LINGO2: variants seen among roughly 807,000 people sequenced by gnomAD.
LINGO2 encodes leucine-rich repeat and immunoglobulin-like domain-containing nogo receptor-interacting protein 2.
In LINGO2, 14 loss-of-function variants were observed where a neutral mutation model predicts 30.6. The observed-to-expected ratio is 0.46, with a 90% CI of 0.30 to 0.72. The LOEUF (loss-of-function observed/expected upper bound fraction) is 0.72, where lower values mean the gene tolerates loss of function less well. LINGO2 is among the 30% of genes least tolerant of loss of function. The pLI is 0.07. For synonymous variants in LINGO2, 317 were observed against 288.5 expected, an observed-to-expected ratio of 1.10 and a Z score of -1.00; for missense variants, 729 against 751.7, an observed-to-expected ratio of 0.97 and a Z score of 0.35.
the LINGO2 span, among the ~76,000 whole-genome samples, chr9:28,704,823 C>CT: frequency 6.6e-6 from 1 of 151,998 alleles, no homozygotes; most frequent in Non-Finnish European, 1.5e-5. Context: ...TAATGTTGTT[C>CT]TTTAGGGCCC....
the LINGO2 span, among the ~76,000 whole-genome samples, chr9:28,794,801 G>T: frequency 2.0e-5 from 3 of 151,680 alleles, no homozygotes; most frequent in African/African-American, 7.3e-5. Context: ...AACAAATTCA[G>T]GAATTATAAA....
At chr9:28,328,725 G>A (rs770479352) in intron 3 of LINGO2, among the ~76,000 whole-genome samples, 1 of 152,104 alleles carries the variant, frequency 6.6e-6, no homozygotes, top group South Asian at 2.1e-4. Context: ...GTAATGCAAT[G>A]TACATAAAAA....
At chr9:28,140,845 G>T (rs929948055) in intron 4 of LINGO2, among the ~76,000 whole-genome samples, 1 of 151,820 alleles carries the variant, frequency 6.6e-6, no homozygotes, top group African/African-American at 2.4e-5. Context: ...ACAGGTCTTG[G>T]CACAAGATAC....
intron 1 of LINGO2, among the ~76,000 whole-genome samples, chr9:28,570,427 T>TA (rs1563832779): frequency 1.3e-5 from 2 of 152,020 alleles, no homozygotes; most frequent in African/African-American, 4.8e-5. Flanking sequence ...AAAGATGGAT[T>TA]AAAAAAATTA....
the LINGO2 span, among the ~76,000 whole-genome samples, chr9:28,783,386 T>C: frequency 1.3e-5 from 2 of 152,186 alleles, no homozygotes; most frequent in South Asian, 4.1e-4. Flanking sequence ...ATAGTTGTTA[T>C]ACTATATTTT....
At chr9:29,200,365 T>C in the LINGO2 span, among the ~76,000 whole-genome samples, 6 of 152,080 alleles carry the variant, frequency 3.9e-5, no homozygotes, top group Admixed American at 3.9e-4. Flanking sequence ...CAGATGAAAC[T>C]ACCATTAAAT....
At chr9:28,358,026 T>C (rs1820295141) in intron 3 of LINGO2, among the ~76,000 whole-genome samples, 1 of 152,112 alleles carries the variant, frequency 6.6e-6, no homozygotes, top group Non-Finnish European at 1.5e-5. Flanking sequence ...TAGACTAATT[T>C]CATAAAAAGG....
At chr9:28,146,643 G>A (rs10441713) in intron 4 of LINGO2, among the ~76,000 whole-genome samples, 6,652 of 152,000 alleles carry the variant, frequency 0.044, 472 homozygotes, top group African/African-American at 0.15. Flanking sequence ...GATGTAGAGT[G>A]CCCAAATGGT....
At chr9:28,282,032 C>T (rs1052676998) in intron 4 of LINGO2, among the ~76,000 whole-genome samples, 4 of 151,998 alleles carry the variant, frequency 2.6e-5, no homozygotes, top group African/African-American at 9.7e-5. Flanking sequence ...TTAAATTATG[C>T]CCCTGAATAA....
At chr9:28,204,813 T>C (rs1485058089) in intron 4 of LINGO2, among the ~76,000 whole-genome samples, 1 of 152,158 alleles carries the variant, frequency 6.6e-6, no homozygotes, top group Non-Finnish European at 1.5e-5. Flanking sequence ...GGGCACTTGG[T>C]TCCATGAACA....
At chr9:28,604,038 A>G (rs1434888348) in intron 1 of LINGO2, among the ~76,000 whole-genome samples, 1 of 151,672 alleles carries the variant, frequency 6.6e-6, no homozygotes, top group East Asian at 1.9e-4. Context: ...GCAGATTTTC[A>G]TTTCTGAATA....
At chr9:28,556,222 G>T (rs1041412279) in intron 1 of LINGO2, among the ~76,000 whole-genome samples, 1 of 152,024 alleles carries the variant, frequency 6.6e-6, no homozygotes, top group East Asian at 1.9e-4. Context: ...GTTTGCAGAC[G>T]ACATGATTGT....
At chr9:28,974,830 A>G in the LINGO2 span, among the ~76,000 whole-genome samples, 1 of 152,180 alleles carries the variant, frequency 6.6e-6, no homozygotes, top group Non-Finnish European at 1.5e-5. Context: ...CCTATTTTAA[A>G]GATGAGAAAA....
At chr9:28,506,165 C>T (rs1409134554) in intron 1 of LINGO2, among the ~76,000 whole-genome samples, 2 of 151,392 alleles carry the variant, frequency 1.3e-5, no homozygotes, top group Non-Finnish European at 3.0e-5. Context: ...TCTAATTTCA[C>T]ACTTCCACTC....
chr9:28,688,019 T>C, the LINGO2 span, among the ~76,000 whole-genome samples: 1 of 152,100 alleles, frequency 6.6e-6, no homozygotes, highest in Non-Finnish European at 1.5e-5. Context: ...TTCCAAAAAG[T>C]TTAGTTAACT....
chr9:28,477,593 C>T (rs1255671168), intron 1 of LINGO2, among the ~76,000 whole-genome samples: 1 of 152,106 alleles, frequency 6.6e-6, no homozygotes, highest in Non-Finnish European at 1.5e-5. Flanking sequence ...TCCTTGATAC[C>T]TTTCTTTTCC....
At chr9:28,635,649 T>C (rs1042821509) in intron 1 of LINGO2, among the ~76,000 whole-genome samples, 2 of 152,090 alleles carry the variant, frequency 1.3e-5, no homozygotes, top group Admixed American at 6.6e-5. Context: ...TAAATAAGGT[T>C]TAATTTGGGT....
At chr9:28,240,396 AC>A (rs1821739227) in intron 4 of LINGO2, among the ~76,000 whole-genome samples, 1 of 152,184 alleles carries the variant, frequency 6.6e-6, no homozygotes, top group African/African-American at 2.4e-5. Context: ...AGCTATAGTA[AC>A]CAAAACAGCA....
the LINGO2 span, among the ~76,000 whole-genome samples, chr9:29,045,728 T>C: frequency 6.6e-6 from 1 of 152,272 alleles, no homozygotes; most frequent in South Asian, 2.1e-4. Context: ...GTCAATTGCT[T>C]AGGGCAGTAA....
Sources: gnomAD v4.1 joint callset for allele counts (sites outside exome capture counted in the v4.1 genomes callset) on GRCh38, gnomAD v4.1.1 for gene constraint, MANE v1.5 for transcripts, NCBI Gene and HGNC (gene_info 2026-07-23, HGNC 2026-07-21) for gene names.